TTLL6: variants seen among roughly 807,000 people sequenced by gnomAD.
TTLL6 encodes the protein tubulin polyglutamylase TTLL6.
A neutral mutation model predicts 96.4 loss-of-function variants in TTLL6; 75 were observed. The observed-to-expected ratio is 0.78, with a 90% confidence interval of 0.65 to 0.94. TTLL6 has a LOEUF of 0.94. Ranked by LOEUF, TTLL6 falls within the 40% of genes least tolerant of loss-of-function variation. TTLL6 has a pLI of 0.00. For synonymous variants in TTLL6, 411 were observed against 419.4 expected (o/e 0.98, Z 0.24); for missense variants, 1,030 against 1,093.0 (o/e 0.94, Z 0.81).
At chr17:48,815,745 G>A (rs1186426345) in intron 1 of TTLL6, 1 of 152,234 alleles carries the variant, frequency 6.6e-6, no homozygotes, top group East Asian at 1.9e-4. Flanking sequence ...TTGCTCAAGG[G>A]CTTTGCCAAT....
chr17:48,767,002 G>A (rs866769010), intron 15 of TTLL6, among the ~76,000 whole-genome samples: 6 of 152,166 alleles, frequency 3.9e-5, no homozygotes, highest in South Asian at 4.1e-4. Flanking sequence ...AGGCAGGAGC[G>A]CAGTGGCGTG....
intron 13 of TTLL6, among the ~76,000 whole-genome samples, chr17:48,781,344 G>C (rs2038981355): frequency 6.6e-6 from 1 of 152,112 alleles, no homozygotes. Context: ...ACTGCACCTA[G>C]CCCTATTTTC....
chr17:48,768,779 G>A (rs2038669710), intron 15 of TTLL6, among the ~76,000 whole-genome samples: 1 of 139,188 alleles, frequency 7.2e-6, no homozygotes, highest in South Asian at 2.3e-4. Flanking sequence ...TGGGCACAAG[G>A]GATCCTCCTG....
At chr17:48,780,733 A>G (rs922133371) in intron 13 of TTLL6, among the ~76,000 whole-genome samples, 6 of 152,228 alleles carry the variant, frequency 3.9e-5, no homozygotes, top group African/African-American at 1.4e-4. Flanking sequence ...AAGTGGAATC[A>G]TAACAGTATT....
chr17:48,769,783 C>T lies in TTLL6; in HGVS notation c.2355G>A (p.Lys785=). The change falls in exon 14 of 16, where the codon AAG becomes AAA. Residue 785 remains lysine (K), a synonymous_variant. Coordinates refer to ENST00000393382, the MANE Select transcript of TTLL6 (RefSeq NM_001130918.3). ...TGTAGTGAGCTGGGAAGAAGGAGAG[C>T]TTCCCACTCAGTTGAAGCTTGGTGA... ...ELLTKLQLSG[K]LSFFPAHYNP... is the part of the protein sequence containing the mutation. 1 of 1,614,238 alleles carries T rather than the reference C, an allele frequency of 6.2e-7. No individual in the cohort carries two copies. The highest frequency in any genetic ancestry group is 2.2e-5 in the East Asian group (1 of 44,886).
intron 1 of TTLL6, among the ~76,000 whole-genome samples, chr17:48,816,472 A>AT (rs1466763581): frequency 2.0e-5 from 3 of 152,088 alleles, no homozygotes; most frequent in Non-Finnish European, 4.4e-5. Context: ...CCAGAAGAGT[A>AT]TTTTTTCAGG....
chr17:48,799,851 T>C, intron 5 of TTLL6, 91 bp from the exon 6 acceptor site: 1 of 1,211,688 alleles, frequency 8.3e-7, no homozygotes. Flanking sequence ...AAAGAAAAGC[T>C]GTCTAATGTG....
At chr17:48,788,114 C>T (rs1050677402) in intron 10 of TTLL6, 115 bp from the exon 11 acceptor site, 28 of 920,540 alleles carry the variant, frequency 3.0e-5, no homozygotes, top group South Asian at 5.1e-5. Context: ...CACATAATGG[C>T]GGTCAATCAG....
intron 13 of TTLL6, among the ~76,000 whole-genome samples, chr17:48,773,989 G>A (rs1355432836): frequency 1.4e-5 from 2 of 147,578 alleles, no homozygotes; most frequent in Non-Finnish European, 3.0e-5. Flanking sequence ...GGCTGAGGCA[G>A]GAGAATCGCT....
At chr17:48,795,708 C>A (rs952275155) in intron 8 of TTLL6, among the ~76,000 whole-genome samples, 1 of 152,136 alleles carries the variant, frequency 6.6e-6, no homozygotes, top group Admixed American at 6.6e-5. Flanking sequence ...GTCCTTCTCA[C>A]GTGGCAGACT....
chr17:48,767,533 T>C (rs1450583423), intron 15 of TTLL6, among the ~76,000 whole-genome samples: 1 of 152,180 alleles, frequency 6.6e-6, no homozygotes, highest in Non-Finnish European at 1.5e-5. Flanking sequence ...ATGGGCTGGA[T>C]GTTTCCTTGC....
rs574987953 is a variant in TTLL6 at position 48,768,096 on chromosome 17, G to A, written c.*893C>T. Among the ~76,000 whole-genome samples, 24 of 152,084 alleles carry A rather than the reference G, an allele frequency of 1.6e-4. No homozygotes were observed. The South Asian group carries it at 5.0e-3, about 32-fold the overall frequency. The stretch of plus-strand genomic sequence containing the variant: ...AGAAATATATTAATACATAGCAAGG[G>A]GGTCACTTTTTTTTTTGGAGACAGA... On this transcript the variant is annotated intron_variant, in intron 15 of 15. Coordinates refer to ENST00000393382, the MANE Select transcript of TTLL6 (RefSeq NM_001130918.3).
chr17:48,795,059 G>A (rs1384646162), intron 8 of TTLL6, among the ~76,000 whole-genome samples: 5 of 152,186 alleles, frequency 3.3e-5, no homozygotes, highest in Admixed American at 3.3e-4. Flanking sequence ...CGGGCGCGGT[G>A]GCTCACGCCT....
intron 13 of TTLL6, among the ~76,000 whole-genome samples, chr17:48,771,669 G>GTATATA (rs34568678): frequency 1.3e-5 from 2 of 150,740 alleles, no homozygotes; most frequent in Admixed American, 6.6e-5. Flanking sequence ...ACACATTAGT[G>GTATATA]TATATATATA....
intron 9 of TTLL6, among the ~76,000 whole-genome samples, chr17:48,790,908 G>A (rs556550682): frequency 1.3e-5 from 2 of 152,178 alleles, no homozygotes; most frequent in African/African-American, 4.8e-5. Context: ...GGGTCTAGGG[G>A]AGGCAGGAAA....
intron 13 of TTLL6, among the ~76,000 whole-genome samples, chr17:48,782,934 A>C (rs928324952): frequency 1.3e-5 from 2 of 151,770 alleles, no homozygotes; most frequent in African/African-American, 4.8e-5. Flanking sequence ...GCTGGTCTTG[A>C]ACTCCTGACC....
chr17:48,763,533 A>G (rs1170267460), intron 15 of TTLL6, among the ~76,000 whole-genome samples: 3 of 152,214 alleles, frequency 2.0e-5, no homozygotes, highest in Admixed American at 2.0e-4. Context: ...ACAGTGGCTC[A>G]TGCCTGTAAT....
chr17:48,770,427 C>T (rs951393020), intron 13 of TTLL6, among the ~76,000 whole-genome samples: 1 of 152,070 alleles, frequency 6.6e-6, no homozygotes, highest in East Asian at 1.9e-4. Context: ...ACTCTACAGC[C>T]TCCTCTAAAA....
intron 13 of TTLL6, among the ~76,000 whole-genome samples, chr17:48,780,670 C>T (rs2038968411): frequency 6.6e-6 from 1 of 152,130 alleles, no homozygotes; most frequent in African/African-American, 2.4e-5. Context: ...CCGCCCAGTC[C>T]CTGGCAACCA....
Sources: allele counts gnomAD v4.1 joint callset (sites outside exome capture counted in the v4.1 genomes callset), GRCh38; gene constraint gnomAD v4.1.1; transcripts MANE v1.5; gene names NCBI Gene and HGNC (gene_info 2026-07-23, HGNC 2026-07-21).